The following DNAH7 variants were observed in gnomAD, a reference collection of about 807,000 sequenced individuals.
DNAH7 encodes dynein axonemal heavy chain 7, also known as axonemal beta dynein heavy chain 7.
In DNAH7, 397 loss-of-function variants were observed where a neutral mutation model predicts 444.6. The ratio of observed to expected loss-of-function variants is 0.89; its 90% CI spans 0.82 to 0.97. The LOEUF is 0.97. Ranked by LOEUF, DNAH7 falls within the 50% of genes least tolerant of loss-of-function variation. DNAH7 has a pLI of 0.00. For synonymous variants in DNAH7, 1,636 were observed against 1,624.4 expected (o/e 1.01, Z -0.17); for missense variants, 4,902 against 4,800.8 (o/e 1.02, Z -0.62).
intron 61 of DNAH7, among the ~76,000 whole-genome samples, chr2:195,761,341 AAT>A (rs1412343805): frequency 6.6e-6 from 1 of 152,170 alleles, no homozygotes; most frequent in Non-Finnish European, 1.5e-5. Context: ...AGATCTAGAA[AAT>A]AGCCTTAAAA....
chr2:195,973,918 T>C (rs1692016010), intron 15 of DNAH7, among the ~76,000 whole-genome samples: 1 of 151,928 alleles, frequency 6.6e-6, no homozygotes, highest in Non-Finnish European at 1.5e-5. Context: ...CTACTAAAAA[T>C]ATATAAATAA....
At chr2:195,872,568 T>C (rs1700782605) in intron 39 of DNAH7, 99 bp from the exon 40 acceptor site, 1 of 650,184 alleles carries the variant, frequency 1.5e-6, no homozygotes, top group Non-Finnish European at 2.4e-6. Context: ...AATTTTAATT[T>C]TGATTAAATC....
chr2:195,863,864 G>A (rs965095154), intron 41 of DNAH7, among the ~76,000 whole-genome samples: 5 of 151,968 alleles, frequency 3.3e-5, no homozygotes, highest in South Asian at 2.1e-4. Context: ...TGCTTTCTTC[G>A]GTGAAGGGTT....
chr2:195,861,742 T>G lies in DNAH7; in HGVS notation c.7711A>C (p.Lys2571Gln), dbSNP rs1420186334. 1 of 1,611,810 alleles carries G rather than the reference T, an allele frequency of 6.2e-7. No individual in the cohort carries two copies. Among genetic ancestry groups the G allele is most frequent in the African/African-American group, 1.3e-5 (1 of 74,978 alleles). ...CTTCTTTTCTTTTCTAACAACAGTTTGAAGGTGGAGATTAATTCGAGGTAA... is the reference window on the plus strand; with the variant it reads ...CTTCTTTTCTTTTCTAACAACAGTTGGAAGGTGGAGATTAATTCGAGGTAA... ...TSYLELISTF[K>Q]LLLEKKRSEV... Residue 2571 changes from lysine to glutamine, a missense_variant, in exon 42 of 65, where the codon AAA becomes CAA. Physicochemically the swap from Lys to Gln is moderately conservative, Grantham distance 53. Coordinates refer to ENST00000312428, the MANE Select transcript of DNAH7 (RefSeq NM_018897.3).
intron 2 of DNAH7, among the ~76,000 whole-genome samples, chr2:196,052,323 TCAGGGCTGTGCTGTCCAAAA>T (rs1438448819): frequency 2.0e-5 from 3 of 152,208 alleles, no homozygotes; most frequent in Non-Finnish European, 2.9e-5. Flanking sequence ...CCTCTATTCT[TCAGGGCTGTGCTGTCCAAAA>T]CAGTATGCAC....
intron 15 of DNAH7, among the ~76,000 whole-genome samples, chr2:195,982,864 G>A (rs1236586813): frequency 1.3e-5 from 2 of 152,000 alleles, no homozygotes; most frequent in African/African-American, 4.8e-5. Context: ...GATGGTTAGT[G>A]GGTGCAAAAA....
At chr2:195,979,978 T>C (rs558350756) in intron 15 of DNAH7, among the ~76,000 whole-genome samples, 31 of 125,450 alleles carry the variant, frequency 2.5e-4, no homozygotes, top group African/African-American at 8.8e-4. Context: ...AAATCCATAA[T>C]AAAAAGTGTC....
At position 196,031,796 on chromosome 2, in the gene DNAH7, C is replaced by T. The variant is rs145540315; in HGVS notation, c.399-3749G>A. ...AGCCTGGATCTTATTGTCCATATCA[C>T]TATCAGGCTTTTGGTCAAAGCCATT... On this transcript the variant is annotated intron_variant, in intron 5 of 64. Transcript: ENST00000312428. Among the ~76,000 whole-genome samples, 314 of 152,318 alleles carry T rather than the reference C, an allele frequency of 2.1e-3. 1 individual carries two copies. Among genetic ancestry groups the T allele is most frequent in the African/African-American group, 7.1e-3 (295 of 41,572 alleles).
chr2:195,874,485 G>A (rs1700907807), intron 38 of DNAH7, among the ~76,000 whole-genome samples: 1 of 152,052 alleles, frequency 6.6e-6, no homozygotes, highest in Non-Finnish European at 1.5e-5. Flanking sequence ...TCTTACCAAT[G>A]CCTGAAGAGG....
chr2:195,822,204 A>G (rs1290710003), intron 49 of DNAH7, among the ~76,000 whole-genome samples: 2 of 152,194 alleles, frequency 1.3e-5, no homozygotes, highest in Admixed American at 6.5e-5. Flanking sequence ...TATTTTCCCT[A>G]TTGGCATGAG....
chr2:195,814,724 G>A (rs146916585), intron 51 of DNAH7, among the ~76,000 whole-genome samples: 2 of 151,958 alleles, frequency 1.3e-5, no homozygotes, highest in Non-Finnish European at 2.9e-5. Context: ...TAGCACTGTC[G>A]TAACTACTGG....
chr2:195,910,258 A>T (rs1687279436), intron 24 of DNAH7, 63 bp from the exon 25 acceptor site: 1 of 1,373,300 alleles, frequency 7.3e-7, no homozygotes, highest in African/African-American at 1.5e-5. Flanking sequence ...TTCACATGCC[A>T]AGAAGAGAAA....
At chr2:195,954,495 C>T (rs1454053093) in intron 19 of DNAH7, among the ~76,000 whole-genome samples, 1 of 152,160 alleles carries the variant, frequency 6.6e-6, no homozygotes, top group East Asian at 1.9e-4. Flanking sequence ...CATACATATG[C>T]ATGTGTTTTT....
Position 195,756,010 on chromosome 2 carries a change from T to C in DNAH7, c.11586+123A>G. The C allele has an allele frequency of 6.5e-6, 6 of 928,776 alleles. No homozygotes were observed. In the South Asian group the frequency reaches 1.0e-4, roughly 16 times the overall value. 57.5% of individuals were successfully genotyped at this position (928,776 alleles called of 1,614,324 possible). A position where few individuals can be genotyped will look rare whatever the true frequency, so the allele number is the denominator to read the frequency against. On this transcript the variant is annotated intron_variant, in intron 62 of 64. Coordinates refer to ENST00000312428, the MANE Select transcript of DNAH7 (RefSeq NM_018897.3). ...ATACATTATATGAAATATTAAGTAG[T>C]GGTGATTTGTGCCTGGGATGCACAG... is the stretch of plus-strand genomic sequence containing the variant.
intron 63 of DNAH7, among the ~76,000 whole-genome samples, chr2:195,748,678 G>A (rs1222980969): frequency 6.6e-6 from 1 of 152,054 alleles, no homozygotes; most frequent in Non-Finnish European, 1.5e-5. Flanking sequence ...CAGAAATAAC[G>A]CCGCTTATCT....
At position 195,754,382 on chromosome 2, in the gene DNAH7, A is replaced by G. The variant is rs1025976508; in HGVS notation, c.11719T>C (p.Tyr3907His). 6.2e-7 allele frequency: 1 copy of G among 1,613,854 alleles called. No individual in the cohort carries two copies. Among genetic ancestry groups the G allele is most frequent in the Non-Finnish European group, 8.5e-7 (1 of 1,179,950 alleles). ...TIPIDLLGFD[Y>H]EVMEDKEYKH... ...TATTCTTTGTCTTCCATCACTTCAT[A>G]GTCAAACCCAAGAAGATCAATAGGA... The change falls in exon 63 of 65, where the codon TAT (tyrosine) becomes CAT (histidine). Residue 3907 changes from tyrosine to histidine, a missense_variant. By Grantham distance (83) the Tyr-to-His change is moderately conservative (BLOSUM62 2). Coordinates refer to ENST00000312428, the MANE Select transcript of DNAH7 (RefSeq NM_018897.3).
At chr2:195,941,211 G>A (rs534184015) in intron 19 of DNAH7, among the ~76,000 whole-genome samples, 1 of 152,216 alleles carries the variant, frequency 6.6e-6, no homozygotes, top group South Asian at 2.1e-4. Flanking sequence ...ATGAGTTCAT[G>A]TCCTTTGCGG....
intron 63 of DNAH7, among the ~76,000 whole-genome samples, chr2:195,743,307 C>A (rs1210086818): frequency 6.6e-6 from 1 of 152,226 alleles, no homozygotes; most frequent in Non-Finnish European, 1.5e-5. Context: ...TATCGTGGGA[C>A]TTTACCTTGT....
Position 195,892,292 on chromosome 2 carries a change from G to A in DNAH7, c.4897-488C>T, listed in dbSNP as rs151059850. On this transcript the variant is annotated intron_variant, in intron 30 of 64. Transcript: ENST00000312428. Reference sequence around the variant, plus strand: ...AGGCTTGGGGCTGAATTTGGCCCATGTACTGTAATTTGCTGACCCCTGCTA... The same window carrying A: ...AGGCTTGGGGCTGAATTTGGCCCATATACTGTAATTTGCTGACCCCTGCTA... 1.5e-3 allele frequency among the ~76,000 whole-genome samples: 235 copies of A among 152,250 alleles called. 2 individuals carry two copies. The highest frequency in any genetic ancestry group is 5.4e-3 in the African/African-American group (224 of 41,556).
Sources: allele counts gnomAD v4.1 joint callset (sites outside exome capture counted in the v4.1 genomes callset), GRCh38; gene constraint gnomAD v4.1.1; transcripts MANE v1.5; gene names NCBI Gene and HGNC (gene_info 2026-07-23, HGNC 2026-07-21).